The following MYADML2 variants were observed in gnomAD, a reference collection of about 807,000 sequenced individuals.
MYADML2 encodes the protein myeloid-associated differentiation marker-like protein 2.
Under a neutral mutation model 16.0 loss-of-function variants are expected in MYADML2, and 17 were observed. The ratio of observed to expected loss-of-function variants is 1.06; its 90% CI spans 0.73 to 1.60. MYADML2 has a LOEUF of 1.60. Ranked by LOEUF, MYADML2 falls within the 40% of genes most tolerant of loss-of-function variation. The pLI is 0.00. For synonymous variants in MYADML2, 210 were observed against 208.1 expected (o/e 1.01, Z -0.08); for missense variants, 422 against 437.7 (o/e 0.96, Z 0.32).
At chr17:81,945,376 A>AAAAC (rs1339555354) in intron 1 of MYADML2, among the ~76,000 whole-genome samples, 1 of 152,078 alleles carries the variant, frequency 6.6e-6, no homozygotes, top group Non-Finnish European at 1.5e-5. Context: ...CATCTCTACT[A>AAAAC]AAAATACAAA....
chr17:81,946,456 G>GAT (rs1460326040), intron 1 of MYADML2, among the ~76,000 whole-genome samples: 3 of 151,414 alleles, frequency 2.0e-5, no homozygotes, highest in African/African-American at 7.3e-5. Context: ...AGACCATCCT[G>GAT]GCCAACGTGG....
rs1182146779 is a variant in MYADML2, at chr17:81,940,250, C to G, written c.*568G>C. The G allele has an allele frequency of 1.3e-5, 2 of 152,494 alleles. No homozygotes were observed. The highest frequency in any genetic ancestry group is 4.8e-5 in the African/African-American group (2 of 41,456). 9.4% of individuals were successfully genotyped at this position (152,494 alleles called of 1,614,324 possible). A position where few individuals can be genotyped will look rare whatever the true frequency, so the allele number is the denominator to read the frequency against. On this transcript the variant is annotated 3_prime_UTR_variant, in exon 3 of 3. Transcript: ENST00000409745. The stretch of plus-strand genomic sequence containing the variant: ...CTGGCACAGCTCCCCAGGCAGGGCT[C>G]TCTTCCCAGGGTTCTGGGAGCTGCC...
intron 1 of MYADML2, among the ~76,000 whole-genome samples, chr17:81,946,093 G>A (rs1248297487): frequency 6.6e-6 from 1 of 152,034 alleles, no homozygotes; most frequent in Non-Finnish European, 1.5e-5. Context: ...GGTGGGTCAC[G>A]CCTGTAATCC....
chr17:81,945,701 CAAA>C (rs993338502), intron 1 of MYADML2, among the ~76,000 whole-genome samples: 5 of 119,244 alleles, frequency 4.2e-5, no homozygotes, highest in Admixed American at 2.6e-4. Context: ...GACTCCATCT[CAAA>C]AAAAAAAAAA....
chr17:81,940,473 A>C lies in MYADML2; in HGVS notation c.*345T>G. On this transcript the variant is annotated 3_prime_UTR_variant, in exon 3 of 3. Coordinates refer to ENST00000409745, the MANE Select transcript of MYADML2 (RefSeq NM_001145113.3). The stretch of plus-strand genomic sequence containing the variant: ...CTAGCCTCCATGTCCCCAGCTGCAA[A>C]ATGGGTCACAACAGCAGCTGCTTTA... 1 of 240,236 alleles carries C rather than the reference A, an allele frequency of 4.2e-6. No homozygotes were observed. Among genetic ancestry groups the C allele is most frequent in the East Asian group, 8.0e-5 (1 of 12,572 alleles). The allele number at this position is 240,236 out of a possible 1,614,324, so 14.9% of individuals were successfully genotyped here.
At position 81,941,016 on chromosome 17, in the gene MYADML2, G is replaced by A; in HGVS notation, c.726C>T (p.Tyr242=). Residue 242 remains tyrosine, a synonymous_variant, in exon 3 of 3, where the codon TAC becomes TAT. Coordinates refer to ENST00000409745, the MANE Select transcript of MYADML2 (RefSeq NM_001145113.3). ...CTGGCCAGATCACGGCGGCGCTGAGGTACAGGAGCACAGCCAGGAAGGTGT... is the reference window on the plus strand; with the variant it reads ...CTGGCCAGATCACGGCGGCGCTGAGATACAGGAGCACAGCCAGGAAGGTGT... ...VVYTFLAVLL[Y]LSAAVIWPVF... 2 of 1,550,528 alleles carry A rather than the reference G, an allele frequency of 1.3e-6. No homozygotes were observed. The highest frequency in any genetic ancestry group is 2.4e-5 in the East Asian group (1 of 40,924).
In MYADML2 at chr17:81,940,938, A is replaced by C; in HGVS notation, c.804T>G (p.Ala268=). ...YGEPKRPPNC[A]RGSCPWDSQL... ...GGCTGTCCCAGGGACAGCTGCCCCG[A>C]GCACAGTTGGGGGGCCGTTTGGGCT... The change falls in exon 3 of 3, where the codon GCT becomes GCG. Residue 268 remains alanine, a synonymous_variant. Transcript: ENST00000409745. 2.6e-6 allele frequency: 4 copies of C among 1,550,238 alleles called. No homozygotes were observed. Among genetic ancestry groups the C allele is most frequent in the Admixed American group, 2.0e-5 (1 of 50,996 alleles).
intron 1 of MYADML2, among the ~76,000 whole-genome samples, chr17:81,943,363 C>A (rs1222918157): frequency 1.3e-5 from 2 of 149,878 alleles, no homozygotes; most frequent in African/African-American, 2.5e-5. Context: ...GCCACTGTGC[C>A]CGGCCGGAAA....
chr17:81,945,069 C>G (rs1325660144), intron 1 of MYADML2, among the ~76,000 whole-genome samples: 3 of 152,022 alleles, frequency 2.0e-5, no homozygotes, highest in Non-Finnish European at 1.5e-5. Context: ...AGTTCCAGAC[C>G]AGCCTGGCCA....
At position 81,941,431 on chromosome 17, in the gene MYADML2, A is replaced by G; in HGVS notation, c.311T>C (p.Val104Ala). The change falls in exon 3 of 3, where the codon GTC (valine) becomes GCC (alanine). Residue 104 changes from valine (V) to alanine (A), a missense_variant. Coordinates refer to ENST00000409745, the MANE Select transcript of MYADML2 (RefSeq NM_001145113.3). ...LATLLCATAA[V>A]LYPLYFARRE... ...CCGGGCAAAGTACAGCGGATACAGG[A>G]CCGCAGCCGTCGCGCATAGCAGGGT... The G allele has an allele frequency of 6.5e-7, 1 of 1,549,320 alleles. No homozygotes were observed. Among genetic ancestry groups the G allele is most frequent in the Non-Finnish European group, 8.7e-7 (1 of 1,146,578 alleles).
chr17:81,946,611 G>A (rs149671847), intron 1 of MYADML2, among the ~76,000 whole-genome samples: 2,728 of 151,876 alleles, frequency 0.018, 78 homozygotes, highest in African/African-American at 0.061. Context: ...TCGCGCCACT[G>A]CACTCCAGCC....
chr17:81,946,370 C>T (rs35952400), intron 1 of MYADML2, among the ~76,000 whole-genome samples: 19 of 150,162 alleles, frequency 1.3e-4, no homozygotes, highest in South Asian at 6.3e-4. Context: ...AAGAAAAGGC[C>T]GGGCGCGGTG....
At chr17:81,944,358 G>A (rs1339055636) in intron 1 of MYADML2, among the ~76,000 whole-genome samples, 1 of 150,800 alleles carries the variant, frequency 6.6e-6, no homozygotes, top group African/African-American at 2.4e-5. Context: ...GGAGCTTGCA[G>A]TGAGCTGAGA....
Position 81,941,107 on chromosome 17 carries a change from A to G in MYADML2, c.635T>C (p.Val212Ala). The change falls in exon 3 of 3, where the codon GTG becomes GCG. Residue 212 changes from valine (V) to alanine (A), a missense_variant. Coordinates refer to ENST00000409745, the MANE Select transcript of MYADML2 (RefSeq NM_001145113.3). ...TGTGTGGCCCATCACACTCAGGGCC[A>G]CCACGGCCACTGTGGCCAGGAAGCA... ...SLCFLATVAV[V>A]ALSVMGHTGG... 1 of 1,550,340 alleles carries G rather than the reference A, an allele frequency of 6.5e-7. No homozygotes were observed. Among genetic ancestry groups the G allele is most frequent in the Non-Finnish European group, 8.7e-7 (1 of 1,146,992 alleles).
rs2041306852 is a variant in MYADML2 at position 81,941,734 on chromosome 17, C to T, written c.8G>A (p.Ser3Asn). 6 of 1,510,892 alleles carry T rather than the reference C, an allele frequency of 4.0e-6. No individual in the cohort carries two copies. The highest frequency in any genetic ancestry group is 3.6e-6 in the Non-Finnish European group (4 of 1,125,460). 93.6% of individuals were successfully genotyped at this position (1,510,892 alleles called of 1,614,324 possible). A position where few individuals can be genotyped will look rare whatever the true frequency, so the allele number is the denominator to read the frequency against. Residue 3 changes from serine (S) to asparagine (N), a missense_variant, in exon 3 of 3, where the codon AGC becomes AAC. Transcript: ENST00000409745. ...CGCACCCCCAGGGGGCTCCATGGTG[C>T]TGCCCATCTGGCCAGCCACGTTTCC... MG[S>N]TMEPPGGAYL...
At chr17:81,941,915 C>T (rs962733035) in intron 2 of MYADML2, 72 bp from the exon 3 acceptor site, 3 of 617,200 alleles carry the variant, frequency 4.9e-6, no homozygotes, top group African/African-American at 3.7e-5. Flanking sequence ...GCGGCTCCCC[C>T]CAGCGCTATA....
intron 2 of MYADML2, 143 bp from the exon 3 acceptor site, chr17:81,941,986 G>A (rs2041309285): frequency 4.4e-6 from 2 of 450,312 alleles, no homozygotes; most frequent in South Asian, 1.0e-4. Flanking sequence ...CCATCTTAGA[G>A]AGACATCTGA....
chr17:81,945,745 TA>T (rs2041340331), intron 1 of MYADML2, among the ~76,000 whole-genome samples: 2 of 150,398 alleles, frequency 1.3e-5, no homozygotes, highest in Middle Eastern at 3.5e-3. Flanking sequence ...TGCACATCCG[TA>T]ATCCCAGCTA....
chr17:81,945,670 C>T (rs2041339694), intron 1 of MYADML2, among the ~76,000 whole-genome samples: 1 of 151,404 alleles, frequency 6.6e-6, no homozygotes, highest in African/African-American at 2.4e-5. Flanking sequence ...CCACTGCACT[C>T]CAGCCTGGGC....
Sources: gnomAD v4.1 joint callset for allele counts (sites outside exome capture counted in the v4.1 genomes callset) on GRCh38, gnomAD v4.1.1 for gene constraint, MANE v1.5 for transcripts, NCBI Gene and HGNC (gene_info 2026-07-23, HGNC 2026-07-21) for gene names.